PTPRM: variants seen among roughly 807,000 people sequenced by gnomAD.
The protein encoded by PTPRM is receptor-type tyrosine-protein phosphatase mu.
A neutral mutation model predicts 186.7 loss-of-function variants in PTPRM; 47 were observed. The ratio of observed to expected loss-of-function variants is 0.25; its 90% CI spans 0.20 to 0.32. The LOEUF is 0.32. PTPRM is among the 10% of genes least tolerant of loss of function. The probability of loss-of-function intolerance (pLI) is 1.00; values close to 1 mark genes in which losing one functional copy is unlikely to be tolerated. For missense variants in PTPRM, 1,494 were observed against 1,865.0 expected (o/e 0.80, Z 3.66); for synonymous variants, 668 against 674.9 (o/e 0.99, Z 0.16).
chr18:8,217,928 G>A (rs2094109458), intron 14 of PTPRM, among the ~76,000 whole-genome samples: 3 of 152,016 alleles, frequency 2.0e-5, no homozygotes, highest in African/African-American at 2.4e-5. Flanking sequence ...GTATTTACAA[G>A]ATTACAGAAA....
At chr18:7,988,025 A>G (rs1599888214) in intron 7 of PTPRM, among the ~76,000 whole-genome samples, 1 of 151,934 alleles carries the variant, frequency 6.6e-6, no homozygotes. Context: ...AAAAAAAAAA[A>G]AAAAAAAAAA....
chr18:7,880,335 A>G lies in PTPRM; in HGVS notation c.197-7771A>G, dbSNP rs145706244. The stretch of plus-strand genomic sequence containing the variant: ...TCACCAGCATGTCATGAATGGGGCA[A>G]AAATTAATACAACTAACAAATGGTC... On this transcript the variant is annotated intron_variant, in intron 2 of 32. Coordinates refer to ENST00000580170, the MANE Select transcript of PTPRM (RefSeq NM_001105244.2). Among the ~76,000 whole-genome samples the G allele has an allele frequency of 7.9e-4, 120 of 152,332 alleles. 2 individuals carry two copies. The East Asian group carries it at 0.019, about 24-fold the overall frequency.
At chr18:7,614,744 G>T (rs931462096) in intron 1 of PTPRM, among the ~76,000 whole-genome samples, 2 of 152,184 alleles carry the variant, frequency 1.3e-5, no homozygotes, top group Admixed American at 6.5e-5. Flanking sequence ...CAGGTAATGA[G>T]TTTGACACAG....
chr18:8,071,797 A>G (rs1481582171), intron 8 of PTPRM, among the ~76,000 whole-genome samples: 1 of 152,178 alleles, frequency 6.6e-6, no homozygotes. Flanking sequence ...GGTCCTTCAC[A>G]TAGCTGTCTC....
At chr18:8,205,095 C>G (rs753954213) in intron 14 of PTPRM, among the ~76,000 whole-genome samples, 3 of 152,088 alleles carry the variant, frequency 2.0e-5, no homozygotes, top group Non-Finnish European at 4.4e-5. Context: ...GACAGTCGTT[C>G]TAGCCTTAGG....
intron 1 of PTPRM, among the ~76,000 whole-genome samples, chr18:7,750,516 C>T (rs79054872): frequency 0.023 from 3,540 of 152,262 alleles, 65 homozygotes; most frequent in Middle Eastern, 0.054. Context: ...CTCAGCTGTT[C>T]AGAATGACTT....
At chr18:7,749,682 CATA>C (rs1431905109) in intron 1 of PTPRM, among the ~76,000 whole-genome samples, 1 of 152,094 alleles carries the variant, frequency 6.6e-6, no homozygotes, top group Non-Finnish European at 1.5e-5. Context: ...AGGTCACAGG[CATA>C]AAGATGAGGC....
chr18:7,759,351 A>G (rs1416958062), intron 1 of PTPRM, among the ~76,000 whole-genome samples: 1 of 152,212 alleles, frequency 6.6e-6, no homozygotes, highest in Non-Finnish European at 1.5e-5. Context: ...ACCCACTCAG[A>G]CTATTAAAAC....
rs76291829 is a variant in PTPRM, at chr18:7,987,294, G to A, written c.1132+31880G>A. On this transcript the variant is annotated intron_variant, in intron 7 of 32. Transcript: ENST00000580170. ...TAGAAGAATTATTCTTACAGTCAGA[G>A]GAAAGTTGACTTGGTTATGATGATG... is the stretch of plus-strand genomic sequence containing the variant. Among the ~76,000 whole-genome samples the A allele has an allele frequency of 5.5e-3, 844 of 152,338 alleles. 8 individuals carry two copies. The highest frequency in any genetic ancestry group is 0.019 in the African/African-American group (806 of 41,572).
At chr18:7,715,143 A>G (rs1452631953) in intron 1 of PTPRM, among the ~76,000 whole-genome samples, 2 of 152,232 alleles carry the variant, frequency 1.3e-5, no homozygotes, top group Non-Finnish European at 1.5e-5. Flanking sequence ...GCAACACATC[A>G]AAAAGCTCAA....
rs1489387261 is a variant in PTPRM, at chr18:8,342,253, T to A, written c.2957-1170T>A. On this transcript the variant is annotated intron_variant, in intron 22 of 32. Transcript: ENST00000580170. ...GCAAAAGGACAGCTATTAATAAACA[T>A]CGTTAAATGCATCTTGTTTTCTTTC... Among the ~76,000 whole-genome samples the A allele has an allele frequency of 4.6e-5, 7 of 152,220 alleles. No individual in the cohort carries two copies. The East Asian group carries it at 1.3e-3, about 29-fold the overall frequency.
chr18:7,976,127 C>G (rs182911692), intron 7 of PTPRM, among the ~76,000 whole-genome samples: 51 of 152,146 alleles, frequency 3.4e-4, no homozygotes, highest in African/African-American at 1.1e-3. Flanking sequence ...CAAGATCGCG[C>G]CATTGCATTC....
chr18:7,883,791 G>GAAC (rs2048626010), intron 2 of PTPRM, among the ~76,000 whole-genome samples: 1 of 152,206 alleles, frequency 6.6e-6, no homozygotes, highest in Non-Finnish European at 1.5e-5. Flanking sequence ...CCACTTAGGT[G>GAAC]AATTATAGTA....
intron 2 of PTPRM, chr18:7,814,028 A>G (rs2044671993): frequency 6.6e-6 from 1 of 152,188 alleles, no homozygotes; most frequent in Non-Finnish European, 1.5e-5. Flanking sequence ...TATTGGTTAT[A>G]TTTGCTGCTT....
At chr18:8,134,127 T>G (rs1184245963) in intron 13 of PTPRM, among the ~76,000 whole-genome samples, 1 of 152,188 alleles carries the variant, frequency 6.6e-6, no homozygotes. Context: ...TTACTTGCTC[T>G]TTTACTGAAT....
chr18:7,703,914 G>T (rs886212023), intron 1 of PTPRM, among the ~76,000 whole-genome samples: 7 of 152,070 alleles, frequency 4.6e-5, no homozygotes, highest in African/African-American at 1.7e-4. Context: ...GGCTTTTTCT[G>T]CATCTTTTGA....
chr18:7,607,016 C>A (rs1379309623), intron 1 of PTPRM, among the ~76,000 whole-genome samples: 3 of 151,986 alleles, frequency 2.0e-5, no homozygotes, highest in Non-Finnish European at 4.4e-5. Flanking sequence ...CAGATTTGCT[C>A]TTCTCCTGCT....
rs141138334 is a variant in PTPRM, at chr18:7,904,078, A to G, written c.469-2427A>G. Among the ~76,000 whole-genome samples the G allele has an allele frequency of 1.6e-4, 25 of 152,342 alleles. No homozygotes were observed. The East Asian group carries it at 3.5e-3, about 21-fold the overall frequency. On this transcript the variant is annotated intron_variant, in intron 3 of 32. Transcript: ENST00000580170. ...TGAACTAATGAGATAATGGAATGAT[A>G]TCTTCCTAGTGTGTGTAACATATCT...
chr18:8,217,349 T>C (rs2147032190), intron 14 of PTPRM, among the ~76,000 whole-genome samples: 1 of 152,332 alleles, frequency 6.6e-6, no homozygotes, highest in East Asian at 1.9e-4. Context: ...CCCTGGGGTC[T>C]AGGCATTTCT....
Sources: gnomAD v4.1 joint callset for allele counts (sites outside exome capture counted in the v4.1 genomes callset) on GRCh38, gnomAD v4.1.1 for gene constraint, MANE v1.5 for transcripts, NCBI Gene and HGNC (gene_info 2026-07-23, HGNC 2026-07-21) for gene names.